The following CDK8 variants were observed in gnomAD, a reference collection of about 807,000 sequenced individuals.
The protein encoded by CDK8 is cyclin-dependent kinase 8.
Under a neutral mutation model 71.5 loss-of-function variants are expected in CDK8, and 29 were observed. That is an observed-to-expected ratio of 0.41 (90% confidence interval 0.30 to 0.55). The LOEUF is 0.55. CDK8 is among the 20% of genes least tolerant of loss of function. The pLI is 0.37. For synonymous variants in CDK8, 161 were observed against 192.1 expected (o/e 0.84, Z 1.34); for missense variants, 288 against 572.6 (o/e 0.50, Z 5.07).
At chr13:26,341,403 G>A (rs1873233402) in intron 2 of CDK8, among the ~76,000 whole-genome samples, 1 of 152,120 alleles carries the variant, frequency 6.6e-6, no homozygotes, top group Admixed American at 6.5e-5. Context: ...GGGATTACAG[G>A]CATGAGCCAT....
intron 4 of CDK8, among the ~76,000 whole-genome samples, chr13:26,371,016 G>A (rs1204918827): frequency 6.6e-6 from 1 of 151,724 alleles, no homozygotes; most frequent in Non-Finnish European, 1.5e-5. Context: ...AGGCAATTAG[G>A]GGCATCTCAT....
At chr13:26,281,321 G>C (rs1397002446) in intron 1 of CDK8, among the ~76,000 whole-genome samples, 2 of 152,232 alleles carry the variant, frequency 1.3e-5, no homozygotes, top group Non-Finnish European at 2.9e-5. Context: ...ACTCTATGCA[G>C]ACATTTGCAA....
At chr13:26,274,277 CT>C (rs1872470392) in intron 1 of CDK8, among the ~76,000 whole-genome samples, 1 of 151,970 alleles carries the variant, frequency 6.6e-6, no homozygotes, top group South Asian at 2.1e-4. Context: ...TTATTGTTTT[CT>C]TTGATCTTTG....
At chr13:26,305,649 G>A (rs1874011678) in intron 1 of CDK8, among the ~76,000 whole-genome samples, 1 of 151,666 alleles carries the variant, frequency 6.6e-6, no homozygotes, top group Non-Finnish European at 1.5e-5. Context: ...TCATCATTTT[G>A]TCATTCCAAT....
intron 1 of CDK8, among the ~76,000 whole-genome samples, chr13:26,299,011 A>G (rs1873692358): frequency 6.6e-6 from 1 of 152,130 alleles, no homozygotes; most frequent in Non-Finnish European, 1.5e-5. Context: ...AGTTGTTGGC[A>G]TTCTCTTTGA....
At chr13:26,314,632 G>A (rs1350390368) in intron 1 of CDK8, among the ~76,000 whole-genome samples, 2 of 152,216 alleles carry the variant, frequency 1.3e-5, no homozygotes, top group East Asian at 1.9e-4. Context: ...GAAGACAAAA[G>A]TTATCCATGG....
chr13:26,363,341 A>AAAAAAAAAAAAAAG (rs59277448), intron 4 of CDK8, among the ~76,000 whole-genome samples: 5 of 149,132 alleles, frequency 3.4e-5, no homozygotes, highest in African/African-American at 9.8e-5. Flanking sequence ...AAAAAAAAAA[A>AAAAAAAAAAAAAAG]GAAATTTGGA....
At chr13:26,282,587 C>T (rs1052036031) in intron 1 of CDK8, among the ~76,000 whole-genome samples, 1 of 152,102 alleles carries the variant, frequency 6.6e-6, no homozygotes, top group Non-Finnish European at 1.5e-5. Flanking sequence ...GAAGCAAAAC[C>T]TTGAAATACA....
chr13:26,317,970 C>A (rs147806378), intron 1 of CDK8, among the ~76,000 whole-genome samples: 4 of 150,834 alleles, frequency 2.7e-5, no homozygotes, highest in Non-Finnish European at 4.4e-5. Context: ...AAATATATAG[C>A]GAAAATAATA....
intron 4 of CDK8, among the ~76,000 whole-genome samples, chr13:26,375,335 C>A (rs1438006477): frequency 6.6e-6 from 1 of 152,082 alleles, no homozygotes; most frequent in Non-Finnish European, 1.5e-5. Flanking sequence ...TCTTGAAAAC[C>A]CAAGGTGTAC....
At chr13:26,257,919 TGTGAGA>T (rs775366472) in intron 1 of CDK8, among the ~76,000 whole-genome samples, 8,460 of 141,460 alleles carry the variant, frequency 0.06, 750 homozygotes, top group African/African-American at 0.25. Context: ...TGTGTGTGTG[TGTGAGA>T]GAGAGAGAGA....
At chr13:26,284,716 C>A (rs780596835) in intron 1 of CDK8, among the ~76,000 whole-genome samples, 56 of 152,026 alleles carry the variant, frequency 3.7e-4, no homozygotes, top group Admixed American at 1.3e-4. Flanking sequence ...ATCAGTTTTA[C>A]TAAAACTATT....
intron 4 of CDK8, among the ~76,000 whole-genome samples, chr13:26,374,034 A>AG (rs1221291837): frequency 2.2e-5 from 3 of 137,852 alleles, no homozygotes; most frequent in Non-Finnish European, 3.1e-5. Flanking sequence ...AAAAAAAAAA[A>AG]AAACAAAAAA....
chr13:26,312,199 G>A (rs893500602), intron 1 of CDK8, among the ~76,000 whole-genome samples: 6 of 152,294 alleles, frequency 3.9e-5, no homozygotes, highest in African/African-American at 1.4e-4. Context: ...CTAAAGGATT[G>A]TAAACGCACC....
chr13:26,355,601 G>A (rs774741790), intron 4 of CDK8, among the ~76,000 whole-genome samples: 8 of 152,108 alleles, frequency 5.3e-5, no homozygotes, highest in Non-Finnish European at 1.2e-4. Context: ...GCGACAGAGC[G>A]AAACTCCATC....
At position 26,377,467 on chromosome 13, in the gene CDK8, G is replaced by A. The variant is rs924699650; in HGVS notation, c.457-5347G>A. 3.9e-5 allele frequency among the ~76,000 whole-genome samples: 6 copies of A among 152,330 alleles called. No homozygotes were observed. The South Asian group carries it at 8.3e-4, about 21-fold the overall frequency. On this transcript the variant is annotated intron_variant, in intron 4 of 12. Transcript: ENST00000381527. The stretch of plus-strand genomic sequence containing the variant: ...TGAACTGTTTACTATAGAGAATGAA[G>A]TTAGGTGTTTATAAGTAACATACAT...
intron 1 of CDK8, among the ~76,000 whole-genome samples, chr13:26,304,168 G>A (rs1283883752): frequency 6.6e-6 from 1 of 151,970 alleles, no homozygotes. Flanking sequence ...GGGAGGCTGA[G>A]GCAGTGAATT....
chr13:26,399,339 T>C (rs1347645628), intron 9 of CDK8, among the ~76,000 whole-genome samples: 1 of 152,160 alleles, frequency 6.6e-6, no homozygotes, highest in Non-Finnish European at 1.5e-5. Context: ...TGTCTGTTAG[T>C]TCATTGGTTT....
At chr13:26,387,105 A>C (rs1875515082) in intron 6 of CDK8, among the ~76,000 whole-genome samples, 1 of 151,930 alleles carries the variant, frequency 6.6e-6, no homozygotes, top group Non-Finnish European at 1.5e-5. Context: ...TGTCATATCC[A>C]TTTCTAAAAA....
Sources: gnomAD v4.1 joint callset for allele counts (sites outside exome capture counted in the v4.1 genomes callset) on GRCh38, gnomAD v4.1.1 for gene constraint, MANE v1.5 for transcripts, NCBI Gene and HGNC (gene_info 2026-07-23, HGNC 2026-07-21) for gene names.